The following MPDZ variants were observed in gnomAD, a reference collection of about 807,000 sequenced individuals.
The protein encoded by MPDZ is multiple PDZ domain protein.
Under a neutral mutation model 239.1 loss-of-function variants are expected in MPDZ, and 234 were observed. That is an observed-to-expected ratio of 0.98 (90% CI 0.88 to 1.09). The LOEUF is 1.09. Among genes scored for constraint, MPDZ ranks in the 50% least tolerant of loss-of-function variants. The pLI is 0.00. For missense variants in MPDZ, 3,175 were observed against 2,510.0 expected (o/e 1.26, Z -5.66); for synonymous variants, 1,048 against 881.3 (o/e 1.19, Z -3.35).
At chr9:13,265,184 C>G (rs1159499554) in intron 1 of MPDZ, among the ~76,000 whole-genome samples, 2 of 152,206 alleles carry the variant, frequency 1.3e-5, no homozygotes, top group Non-Finnish European at 2.9e-5. Flanking sequence ...ACACTGGCAA[C>G]AAATTCTCCA....
intron 32 of MPDZ, among the ~76,000 whole-genome samples, chr9:13,131,270 A>C (rs1341115995): frequency 6.6e-6 from 1 of 152,120 alleles, no homozygotes; most frequent in Non-Finnish European, 1.5e-5. Context: ...GGCTTCCTCA[A>C]GAGATGTGTT....
At chr9:13,249,007 A>AAAAAAT (rs1345543094) in intron 2 of MPDZ, among the ~76,000 whole-genome samples, 2 of 127,748 alleles carry the variant, frequency 1.6e-5, no homozygotes, top group African/African-American at 6.0e-5. Flanking sequence ...AAAAAAAAAA[A>AAAAAAT]AATTGGAATC....
chr9:13,223,516 C>T (rs530800020), intron 5 of MPDZ, 55 bp downstream of exon 5: 547 of 1,541,184 alleles, frequency 3.5e-4, no homozygotes, highest in Non-Finnish European at 4.5e-4. Context: ...TGCATAGTAA[C>T]CAAAACCTTC....
intron 27 of MPDZ, among the ~76,000 whole-genome samples, chr9:13,141,486 G>A (rs1947667399): frequency 6.6e-6 from 1 of 152,074 alleles, no homozygotes; most frequent in Non-Finnish European, 1.5e-5. Flanking sequence ...AGTTGTCCCT[G>A]ATACCTTGAA....
chr9:13,223,170 T>C (rs906421288), intron 5 of MPDZ, among the ~76,000 whole-genome samples: 1 of 152,024 alleles, frequency 6.6e-6, no homozygotes, highest in Non-Finnish European at 1.5e-5. Flanking sequence ...GCAGGAGTCC[T>C]GGAACCAATT....
At position 13,132,276 on chromosome 9, in the gene MPDZ, T is replaced by C. The variant is rs1196528959; in HGVS notation, c.4464+1548A>G. 2.6e-5 allele frequency among the ~76,000 whole-genome samples: 4 copies of C among 152,166 alleles called. No individual in the cohort carries two copies. In the South Asian group the frequency reaches 8.3e-4, roughly 32 times the overall value. ...ATCCAATCCCAACAATAACCCTTAA[T>C]ATAGGCAGCACCATTTACAGAAGAC... is the stretch of plus-strand genomic sequence containing the variant. On this transcript the variant is annotated intron_variant, in intron 32 of 46. Transcript: ENST00000319217.
At chr9:13,273,119 T>A (rs1262929393) in intron 1 of MPDZ, among the ~76,000 whole-genome samples, 1 of 152,102 alleles carries the variant, frequency 6.6e-6, no homozygotes, top group Non-Finnish European at 1.5e-5. Flanking sequence ...CCCTCACCAT[T>A]CACAGAATCT....
At position 13,123,316 on chromosome 9, in the gene MPDZ, A is replaced by G. The variant is rs200233434; in HGVS notation, c.4808-18T>C. The G allele has an allele frequency of 6.3e-7, 1 of 1,575,702 alleles. No individual in the cohort carries two copies. Among genetic ancestry groups the G allele is most frequent in the Non-Finnish European group, 8.6e-7 (1 of 1,160,422 alleles). ...GCTTGTATCTAAAAATAAGTTAAAA[A>G]TGAAATACAAATAAAAATTGGTTAC... On this transcript the variant is annotated intron_variant, in intron 35 of 46. Transcript: ENST00000319217.
chr9:13,233,127 G>A (rs991038609), intron 3 of MPDZ, among the ~76,000 whole-genome samples: 1 of 152,034 alleles, frequency 6.6e-6, no homozygotes, highest in African/African-American at 2.4e-5. Flanking sequence ...TAATCGCTTT[G>A]GAAAACAGTT....
At chr9:13,217,919 T>C (rs1389729638) in intron 8 of MPDZ, among the ~76,000 whole-genome samples, 1 of 151,846 alleles carries the variant, frequency 6.6e-6, no homozygotes, top group Non-Finnish European at 1.5e-5. Flanking sequence ...GTAGAGTTGT[T>C]ACAAATTCTA....
At chr9:13,185,671 C>T (rs990445900) in intron 18 of MPDZ, among the ~76,000 whole-genome samples, 2 of 152,032 alleles carry the variant, frequency 1.3e-5, no homozygotes, top group Non-Finnish European at 2.9e-5. Flanking sequence ...GAAAAAGTTT[C>T]TTAAGGGCAG....
In MPDZ at chr9:13,209,414, G is replaced by A. The variant is rs535403860; in HGVS notation, c.1291-3315C>T. Among the ~76,000 whole-genome samples, 6 of 152,234 alleles carry A rather than the reference G, an allele frequency of 3.9e-5. No homozygotes were observed. In the South Asian group the frequency reaches 1.2e-3, roughly 32 times the overall value. ...CTCTTCATTTTGTTAATCTACAAAT[G>A]AATCAAGTGAAGCTACAGTAAATTT... is the stretch of plus-strand genomic sequence containing the variant. On this transcript the variant is annotated intron_variant, in intron 10 of 46. Coordinates refer to ENST00000319217, the MANE Select transcript of MPDZ (RefSeq NM_001378778.1).
chr9:13,177,792 T>A (rs1238652326), intron 19 of MPDZ, among the ~76,000 whole-genome samples: 2 of 152,122 alleles, frequency 1.3e-5, no homozygotes, highest in Non-Finnish European at 2.9e-5. Flanking sequence ...ACAGGACTTT[T>A]GGGAGGACAG....
intron 11 of MPDZ, 51 bp from the exon 12 acceptor site, chr9:13,205,158 T>C: frequency 3.9e-6 from 4 of 1,023,774 alleles, no homozygotes; most frequent in Non-Finnish European, 5.4e-6. Context: ...AATCAAGTAC[T>C]TGAATTTTTC....
intron 10 of MPDZ, among the ~76,000 whole-genome samples, chr9:13,213,915 C>A (rs1202392840): frequency 6.6e-6 from 1 of 152,016 alleles, no homozygotes; most frequent in African/African-American, 2.4e-5. Context: ...TATCTGCTAT[C>A]AGATATTGTC....
intron 28 of MPDZ, 115 bp from the exon 29 acceptor site, chr9:13,138,268 C>T (rs966395926): frequency 9.5e-6 from 11 of 1,155,912 alleles, no homozygotes; most frequent in East Asian, 5.3e-5. Context: ...CCAAAATGTA[C>T]GCTTTGACAG....
At chr9:13,107,211 T>TACAC in intron 46 of MPDZ, 100 bp from the exon 47 acceptor site, 1 of 1,263,172 alleles carries the variant, frequency 7.9e-7, no homozygotes, top group Non-Finnish European at 1.1e-6. Context: ...GCTCTGCTTG[T>TACAC]ACACACACAC....
chr9:13,250,282 G>A lies in MPDZ; in HGVS notation c.16+18C>T. 1.3e-6 allele frequency: 2 copies of A among 1,591,796 alleles called. No homozygotes were observed. Among genetic ancestry groups the A allele is most frequent in the East Asian group, 4.5e-5 (2 of 44,282 alleles). On this transcript the variant is annotated intron_variant, in intron 2 of 46. Transcript: ENST00000319217. Reference sequence around the variant, plus strand: ...GTTACAATTCTTATAAAAGTAGGCAGAAAAGAATAAGTCTTACCAATGGCT... The same window carrying A: ...GTTACAATTCTTATAAAAGTAGGCAAAAAAGAATAAGTCTTACCAATGGCT...
chr9:13,181,166 A>T (rs1374388506), intron 19 of MPDZ, among the ~76,000 whole-genome samples: 2 of 152,208 alleles, frequency 1.3e-5, no homozygotes, highest in Non-Finnish European at 2.9e-5. Flanking sequence ...GGAATTGCTG[A>T]GATCCTCACA....
Sources: allele counts gnomAD v4.1 joint callset (sites outside exome capture counted in the v4.1 genomes callset), GRCh38; gene constraint gnomAD v4.1.1; transcripts MANE v1.5; gene names NCBI Gene and HGNC (gene_info 2026-07-23, HGNC 2026-07-21).